Variants in KLF15 observed in about 807,000 individuals in gnomAD.
KLF15 encodes the protein Krueppel-like factor 15.
Under a neutral mutation model 24.6 loss-of-function variants are expected in KLF15, and 4 were observed. That is an observed-to-expected ratio of 0.16 (90% confidence interval 0.08 to 0.37). KLF15 has a LOEUF of 0.37. Ranked by LOEUF, KLF15 falls within the 10% of genes least tolerant of loss-of-function variation. The pLI, the probability that KLF15 is intolerant of heterozygous loss-of-function variation, is 1.00. For synonymous variants in KLF15, 246 were observed against 236.3 expected, an observed-to-expected ratio of 1.04 and a Z score of -0.37; for missense variants, 496 against 560.6, an observed-to-expected ratio of 0.88 and a Z score of 1.16.
At chr3:126,290,825 C>G in the KLF15 span, 7 of 152,210 alleles carry the variant, frequency 4.6e-5, no homozygotes, top group African/African-American at 1.7e-4. Context: ...ACCACTTTTA[C>G]ATTTAATGTA....
intron 1 of KLF15, among the ~76,000 whole-genome samples, chr3:126,354,517 G>C (rs2082615121): frequency 6.6e-6 from 1 of 152,074 alleles, no homozygotes; most frequent in East Asian, 1.9e-4. Flanking sequence ...CCTGCTCAGG[G>C]ACCCCAGGAC....
In KLF15 at chr3:126,343,760, C is replaced by T. The variant is rs1055636558; in HGVS notation, c.1218G>A (p.Pro406=). Residue 406 remains proline, a synonymous_variant, in exon 3 of 3, where the codon CCG becomes CCA. Transcript: ENST00000296233. ...LSKHIKVHRF[P]RSSRSVRSVN is the part of the protein sequence containing the mutation. ...CGGAGCGCACGGAGCGGCTGCTCCG[C>T]GGGAAGCGGTGCACCTTGATGTGCT... The T allele has an allele frequency of 1.2e-6, 2 of 1,611,620 alleles. No homozygotes were observed. The highest frequency in any genetic ancestry group is 2.7e-5 in the African/African-American group (2 of 74,852).
the KLF15 span, among the ~76,000 whole-genome samples, chr3:126,317,930 C>T: frequency 2.0e-5 from 3 of 152,176 alleles, no homozygotes; most frequent in African/African-American, 7.2e-5. Context: ...GATTTGCCGC[C>T]ACTAACATAC....
the KLF15 span, among the ~76,000 whole-genome samples, chr3:126,290,358 C>CCCCAG: frequency 6.6e-6 from 1 of 152,170 alleles, no homozygotes; most frequent in Non-Finnish European, 1.5e-5. Flanking sequence ...GTGGACCCCA[C>CCCCAG]CCCAGCCCAG....
chr3:126,289,679 A>T, the KLF15 span, among the ~76,000 whole-genome samples: 179 of 152,388 alleles, frequency 1.2e-3, no homozygotes, highest in East Asian at 0.032. Flanking sequence ...AGGTTAATAA[A>T]TACAGGGCTT....
chr3:126,322,880 A>T, the KLF15 span, among the ~76,000 whole-genome samples: 1 of 152,228 alleles, frequency 6.6e-6, no homozygotes, highest in Admixed American at 6.5e-5. Flanking sequence ...GGGATAAATG[A>T]ATAAATGATA....
At chr3:126,296,236 T>C in the KLF15 span, among the ~76,000 whole-genome samples, 115 of 152,264 alleles carry the variant, frequency 7.6e-4, no homozygotes, top group African/African-American at 2.6e-3. Flanking sequence ...ATATTTGGAG[T>C]CTCGCTCTAT....
At chr3:126,322,245 CT>C in the KLF15 span, among the ~76,000 whole-genome samples, 74,905 of 151,894 alleles carry the variant, frequency 0.49, 18,709 homozygotes, top group South Asian at 0.56. Flanking sequence ...TAAAACAACA[CT>C]TGGTTATTTT....
the KLF15 span, among the ~76,000 whole-genome samples, chr3:126,310,628 C>T: frequency 6.6e-6 from 1 of 152,116 alleles, no homozygotes. Context: ...GTTTCTCCTG[C>T]AGCCTCTCTC....
chr3:126,304,768 T>C, the KLF15 span, among the ~76,000 whole-genome samples: 5 of 152,248 alleles, frequency 3.3e-5, no homozygotes, highest in Admixed American at 3.3e-4. Context: ...CCATGTTGGT[T>C]GGAAACGGAA....
At chr3:126,351,799 T>C in intron 2 of KLF15, 42 bp downstream of exon 2, 1 of 1,572,020 alleles carries the variant, frequency 6.4e-7, no homozygotes. Context: ...CAGACATGAG[T>C]GGCTGTGCTC....
the KLF15 span, among the ~76,000 whole-genome samples, chr3:126,324,950 C>T: frequency 3.3e-5 from 3 of 90,576 alleles, no homozygotes; most frequent in African/African-American, 1.4e-4. Context: ...CCAATGCTAT[C>T]CCTCCCCCCT....
At chr3:126,350,336 G>A (rs1450334315) in intron 2 of KLF15, among the ~76,000 whole-genome samples, 11 of 152,212 alleles carry the variant, frequency 7.2e-5, no homozygotes, top group Admixed American at 7.2e-4. Flanking sequence ...GACCTTGTGA[G>A]GCCCCAGGGT....
the KLF15 span, among the ~76,000 whole-genome samples, chr3:126,319,322 G>A: frequency 6.6e-6 from 1 of 152,186 alleles, no homozygotes; most frequent in Non-Finnish European, 1.5e-5. Flanking sequence ...CAAAATTGCT[G>A]GATCATATAA....
downstream of KLF15, among the ~76,000 whole-genome samples, chr3:126,338,441 G>C (rs1377032672): frequency 6.6e-6 from 1 of 152,180 alleles, no homozygotes; most frequent in East Asian, 1.9e-4. Flanking sequence ...AGCCCTCTGG[G>C]GATAGCTGTT....
At chr3:126,299,448 T>C in the KLF15 span, among the ~76,000 whole-genome samples, 1 of 151,888 alleles carries the variant, frequency 6.6e-6, no homozygotes, top group Admixed American at 6.6e-5. Flanking sequence ...ACTGTTGTAC[T>C]CATAAAAAGA....
chr3:126,289,166 C>T, the KLF15 span, among the ~76,000 whole-genome samples: 1 of 152,102 alleles, frequency 6.6e-6, no homozygotes, highest in Admixed American at 6.5e-5. Flanking sequence ...TTACCATTTG[C>T]AAGAATAAAC....
Position 126,343,811 on chromosome 3 carries a change from C to G in KLF15, c.1167G>C (p.Lys389Asn), listed in dbSNP as rs773763750. 2.4e-5 allele frequency: 39 copies of G among 1,611,698 alleles called. No homozygotes were observed. The highest frequency in any genetic ancestry group is 5.3e-5 in the African/African-American group (4 of 74,896). Residue 389 changes from lysine to asparagine, a missense_variant, in exon 3 of 3, where the codon AAG (lysine) becomes AAC (asparagine). By Grantham distance (94) the Lys-to-Asn change is moderately conservative (BLOSUM62 0). Coordinates refer to ENST00000296233, the MANE Select transcript of KLF15 (RefSeq NM_014079.4). ...KPYQCPVCEK[K>N]FARSDHLSKH... ...TGGAGAGGTGGTCGCTCCGCGCGAA[C>G]TTCTTCTCGCACACAGGACACTGGT...
chr3:126,315,410 C>T, the KLF15 span, among the ~76,000 whole-genome samples: 1 of 152,158 alleles, frequency 6.6e-6, no homozygotes, highest in Non-Finnish European at 1.5e-5. Context: ...GTAGGATGGG[C>T]CCAGCCTGTG....
Sources: allele counts gnomAD v4.1 joint callset (sites outside exome capture counted in the v4.1 genomes callset), GRCh38; gene constraint gnomAD v4.1.1; transcripts MANE v1.5; gene names NCBI Gene and HGNC (gene_info 2026-07-23, HGNC 2026-07-21).